Variants in DAB1 observed in about 807,000 individuals in gnomAD.
The protein encoded by DAB1 is DAB adaptor protein 1, also known as disabled homolog 1.
DAB1 carries 15 observed loss-of-function variants against 64.6 expected under a neutral mutation model. The observed-to-expected ratio is 0.23, with a 90% CI of 0.16 to 0.36. The LOEUF is 0.36. DAB1 is among the 10% of genes least tolerant of loss of function. DAB1 has a pLI of 1.00. For missense variants in DAB1, 596 were observed against 706.7 expected (o/e 0.84, Z 1.78); for synonymous variants, 235 against 251.9 (o/e 0.93, Z 0.64).
intron 5 of DAB1, among the ~76,000 whole-genome samples, chr1:58,042,010 A>C (rs973970770): frequency 6.6e-5 from 10 of 152,322 alleles, no homozygotes; most frequent in South Asian, 2.1e-4. Flanking sequence ...CTTATCTACC[A>C]AGTCTCTTCC....
chr1:58,409,998 C>T (rs995366616), intron 3 of DAB1, among the ~76,000 whole-genome samples: 6 of 152,178 alleles, frequency 3.9e-5, no homozygotes, highest in African/African-American at 1.4e-4. Flanking sequence ...CTTCCCCACA[C>T]ACCACCTCCA....
intron 4 of DAB1, among the ~76,000 whole-genome samples, chr1:57,095,273 A>T (rs577522223): frequency 2.6e-5 from 4 of 152,148 alleles, no homozygotes; most frequent in Non-Finnish European, 5.9e-5. Flanking sequence ...TTGTGTCTTT[A>T]CACTGCCTTG....
chr1:57,433,976 A>G (rs181543602), intron 7 of DAB1, among the ~76,000 whole-genome samples: 1 of 152,244 alleles, frequency 6.6e-6, no homozygotes, highest in Admixed American at 6.5e-5. Flanking sequence ...GATGGCTAAA[A>G]TTTAAGCATT....
At chr1:57,104,341 G>GAA (rs369371253) in intron 4 of DAB1, among the ~76,000 whole-genome samples, 1 of 145,252 alleles carries the variant, frequency 6.9e-6, no homozygotes, top group African/African-American at 2.5e-5. Flanking sequence ...TGATGAATTG[G>GAA]AAAAAAAAAA....
At chr1:57,104,135 A>C (rs1301929105) in intron 4 of DAB1, among the ~76,000 whole-genome samples, 1 of 152,164 alleles carries the variant, frequency 6.6e-6, no homozygotes. Flanking sequence ...GTACTGGTCT[A>C]CACACTGTTT....
At chr1:58,207,857 T>C (rs895933134) in intron 4 of DAB1, among the ~76,000 whole-genome samples, 8 of 152,178 alleles carry the variant, frequency 5.3e-5, no homozygotes, top group African/African-American at 1.9e-4. Context: ...GTAGTTGTAT[T>C]AGTTTGTTCT....
chr1:58,436,668 C>T (rs1233412989), intron 3 of DAB1, among the ~76,000 whole-genome samples: 1 of 152,150 alleles, frequency 6.6e-6, no homozygotes, highest in African/African-American at 2.4e-5. Flanking sequence ...AGTAGAAATA[C>T]TAGGAAGATA....
At chr1:58,347,865 T>C (rs1337365564) in intron 3 of DAB1, among the ~76,000 whole-genome samples, 3 of 152,204 alleles carry the variant, frequency 2.0e-5, no homozygotes, top group Non-Finnish European at 4.4e-5. Context: ...CTCCAGGTTC[T>C]AGCTCCCAAC....
intron 7 of DAB1, among the ~76,000 whole-genome samples, chr1:57,548,971 A>G (rs1330205322): frequency 2.0e-5 from 3 of 152,226 alleles, no homozygotes; most frequent in Non-Finnish European, 2.9e-5. Flanking sequence ...TGAGGCACCG[A>G]AAGCTTTAAT....
chr1:58,196,770 G>A (rs1030477658), intron 4 of DAB1, among the ~76,000 whole-genome samples: 4 of 152,066 alleles, frequency 2.6e-5, no homozygotes, highest in Admixed American at 6.5e-5. Context: ...AGAGCAGCAC[G>A]GGGGAAACCA....
intron 4 of DAB1, among the ~76,000 whole-genome samples, chr1:58,220,894 T>C (rs1213014330): frequency 6.7e-6 from 1 of 149,596 alleles, no homozygotes; most frequent in Non-Finnish European, 1.5e-5. Context: ...CACACACATA[T>C]ATATATTATC....
chr1:58,256,410 T>A (rs1660930735), intron 4 of DAB1, among the ~76,000 whole-genome samples: 1 of 152,174 alleles, frequency 6.6e-6, no homozygotes, highest in Non-Finnish European at 1.5e-5. Flanking sequence ...GCAATGCCTT[T>A]ATAGGCTTCT....
intron 3 of DAB1, among the ~76,000 whole-genome samples, chr1:58,496,341 T>A (rs1349858112): frequency 2.6e-5 from 4 of 152,220 alleles, no homozygotes; most frequent in Non-Finnish European, 4.4e-5. Flanking sequence ...AATGGATTTA[T>A]CTTACATTTG....
chr1:58,034,904 A>G (rs1227285952), intron 5 of DAB1, among the ~76,000 whole-genome samples: 1 of 152,194 alleles, frequency 6.6e-6, no homozygotes, highest in East Asian at 1.9e-4. Flanking sequence ...CCTTCCATCC[A>G]TGTATGTGCA....
At chr1:58,483,088 C>T (rs1488241022) in intron 3 of DAB1, among the ~76,000 whole-genome samples, 1 of 152,196 alleles carries the variant, frequency 6.6e-6, no homozygotes, top group African/African-American at 2.4e-5. Context: ...AGGTACAAAA[C>T]TAGAATTCTT....
At chr1:57,508,194 G>A (rs2101339696) in intron 7 of DAB1, among the ~76,000 whole-genome samples, 1 of 152,224 alleles carries the variant, frequency 6.6e-6, no homozygotes, top group South Asian at 2.1e-4. Context: ...CAACCTTTGT[G>A]CCTTGGCTCC....
chr1:57,011,443 T>C (rs76041739), intron 12 of DAB1, among the ~76,000 whole-genome samples, 171 bp from the exon 13 acceptor site: 1,888 of 152,296 alleles, frequency 0.012, 44 homozygotes, highest in African/African-American at 0.043. Flanking sequence ...GTATTGATCT[T>C]TCCTCTCACA....
At chr1:57,060,125 T>TTTTTATTTTA (rs71051217) in intron 9 of DAB1, among the ~76,000 whole-genome samples, 18,160 of 135,832 alleles carry the variant, frequency 0.13, 1,525 homozygotes, top group Middle Eastern at 0.17. Flanking sequence ...ATTCATATAT[T>TTTTTATTTTA]TTTTATTTTA....
chr1:57,320,321 T>G (rs1263205850), intron 1 of DAB1, among the ~76,000 whole-genome samples: 2 of 152,202 alleles, frequency 1.3e-5, no homozygotes, highest in Non-Finnish European at 2.9e-5. Context: ...GTTGCAGGTA[T>G]TCTTTACAGC....
Sources: gnomAD v4.1 joint callset for allele counts (sites outside exome capture counted in the v4.1 genomes callset) on GRCh38, gnomAD v4.1.1 for gene constraint, MANE v1.5 for transcripts, NCBI Gene and HGNC (gene_info 2026-07-23, HGNC 2026-07-21) for gene names.